ETFA: variants seen among roughly 807,000 people sequenced by gnomAD.
ETFA encodes the protein electron transfer flavoprotein subunit alpha, mitochondrial.
A neutral mutation model predicts 46.2 loss-of-function variants in ETFA; 22 were observed. The observed-to-expected ratio is 0.48, with a 90% confidence interval of 0.34 to 0.68. ETFA has a LOEUF of 0.68. Among genes scored for constraint, ETFA ranks in the 30% least tolerant of loss-of-function variants. The probability of loss-of-function intolerance (pLI) is 0.01; values close to 1 mark genes in which losing one functional copy is unlikely to be tolerated. For missense variants in ETFA, 345 were observed against 401.1 expected (o/e 0.86, Z 1.19); for synonymous variants, 131 against 139.9 (o/e 0.94, Z 0.45).
chr15:76,231,328 A>G lies in ETFA; in HGVS notation c.882+5T>C, dbSNP rs377259058. 1.0e-4 allele frequency: 159 copies of G among 1,576,734 alleles called. No individual in the cohort carries two copies. The highest frequency in any genetic ancestry group is 1.3e-4 in the Non-Finnish European group (149 of 1,146,126). On this transcript the variant is annotated splice_donor_5th_base_variant and intron_variant, in intron 10 of 11. Coordinates refer to ENST00000557943, the MANE Select transcript of ETFA (RefSeq NM_000126.4). The stretch of plus-strand genomic sequence containing the variant: ...TTTCTTTTAACATCACTGATGTACA[A>G]TTACCTTGCTGTCTTTCATCCCAGC...
intron 11 of ETFA, among the ~76,000 whole-genome samples, chr15:76,219,083 C>CA (rs954707005): frequency 4.6e-5 from 7 of 152,014 alleles, no homozygotes; most frequent in Non-Finnish European, 8.8e-5. Context: ...GGATTCTAGG[C>CA]AAAAAATGAG....
At chr15:76,248,647 T>G (rs1225335872) in intron 9 of ETFA, among the ~76,000 whole-genome samples, 3 of 152,088 alleles carry the variant, frequency 2.0e-5, no homozygotes, top group Non-Finnish European at 2.9e-5. Context: ...AAAAGATGTG[T>G]ATCCAGAATA....
intron 9 of ETFA, among the ~76,000 whole-genome samples, chr15:76,232,001 T>TAC (rs367863036): frequency 2.5e-3 from 380 of 149,518 alleles, no homozygotes; most frequent in South Asian, 6.2e-3. Flanking sequence ...CACGTACACA[T>TAC]ACACACACAC....
Position 76,281,102 on chromosome 15 carries a change from G to A in ETFA, c.733+2655C>T, listed in dbSNP as rs918340065. On this transcript the variant is annotated intron_variant, in intron 8 of 11. Transcript: ENST00000557943. ...TCTAATTTTTGTATTTTTAGTAGAG[G>A]TGGGGTTTCACCATGTCGGCCAGGC... Among the ~76,000 whole-genome samples the A allele has an allele frequency of 4.6e-5, 7 of 151,792 alleles. No homozygotes were observed. In the South Asian group the frequency reaches 1.5e-3, roughly 32 times the overall value.
chr15:76,222,326 ATTT>A (rs11475733), intron 11 of ETFA, among the ~76,000 whole-genome samples: 18 of 149,760 alleles, frequency 1.2e-4, no homozygotes, highest in African/African-American at 2.4e-4. Context: ...CAAATATTGT[ATTT>A]TTTATTTTTT....
chr15:76,263,493 A>T (rs1036955351), intron 9 of ETFA, among the ~76,000 whole-genome samples: 1 of 152,240 alleles, frequency 6.6e-6, no homozygotes, highest in Non-Finnish European at 1.5e-5. Flanking sequence ...GTTAAAGCAA[A>T]CATTTTGCTT....
intron 1 of ETFA, among the ~76,000 whole-genome samples, chr15:76,298,509 G>A (rs2456064): frequency 0.98 from 149,036 of 152,282 alleles, 73,008 homozygotes; most frequent in South Asian, 1. Flanking sequence ...GGAGCACTGT[G>A]CTAAGCAGTT....
intron 4 of ETFA, among the ~76,000 whole-genome samples, chr15:76,291,516 C>T (rs1237013446): frequency 6.7e-6 from 1 of 149,480 alleles, no homozygotes; most frequent in Non-Finnish European, 1.5e-5. Flanking sequence ...TTTGGGGGGC[C>T]GAGGCGGGCG....
At chr15:76,275,669 T>C (rs1339484457) in intron 8 of ETFA, among the ~76,000 whole-genome samples, 2 of 152,232 alleles carry the variant, frequency 1.3e-5, no homozygotes, top group Non-Finnish European at 2.9e-5. Context: ...GCCCTTGTTC[T>C]TTTTTCCTAT....
chr15:76,305,968 C>T (rs2039935874), intron 1 of ETFA, among the ~76,000 whole-genome samples: 1 of 151,886 alleles, frequency 6.6e-6, no homozygotes, highest in Non-Finnish European at 1.5e-5. Context: ...CTGCCTCAGC[C>T]ACATGAGTAG....
At chr15:76,302,558 G>T (rs1033278900) in intron 1 of ETFA, among the ~76,000 whole-genome samples, 1 of 148,808 alleles carries the variant, frequency 6.7e-6, no homozygotes, top group Non-Finnish European at 1.5e-5. Context: ...GAGTGGGGGC[G>T]GGGGCAGTGA....
chr15:76,294,676 A>G (rs1240211375), intron 2 of ETFA, among the ~76,000 whole-genome samples: 1 of 152,124 alleles, frequency 6.6e-6, no homozygotes, highest in African/African-American at 2.4e-5. Context: ...CAGCCTTCCA[A>G]GTAGCTGGGA....
rs947910169 is a variant in ETFA at position 76,275,524 on chromosome 15, T to C, written c.734-1030A>G. On this transcript the variant is annotated intron_variant, in intron 8 of 11. Transcript: ENST00000557943. Reference sequence around the variant, plus strand: ...AAGTGGGTTTCTTGTAGACACCATATAGTTGGGTCTTACTTTTTCATCCAC... The same window carrying C: ...AAGTGGGTTTCTTGTAGACACCATACAGTTGGGTCTTACTTTTTCATCCAC... 6.6e-5 allele frequency among the ~76,000 whole-genome samples: 10 copies of C among 152,346 alleles called. No homozygotes were observed. The East Asian group carries it at 7.7e-4, about 12-fold the overall frequency.
At chr15:76,298,720 G>A (rs1411834576) in intron 1 of ETFA, among the ~76,000 whole-genome samples, 3 of 151,916 alleles carry the variant, frequency 2.0e-5, no homozygotes, top group Non-Finnish European at 4.4e-5. Context: ...ACCATTTTTA[G>A]CTGTTTTATA....
At chr15:76,227,383 G>A (rs1229775179) in intron 10 of ETFA, among the ~76,000 whole-genome samples, 1 of 151,862 alleles carries the variant, frequency 6.6e-6, no homozygotes, top group Non-Finnish European at 1.5e-5. Flanking sequence ...CAGGTGTGGT[G>A]GTGCGCACCT....
chr15:76,259,277 A>G lies in ETFA; in HGVS notation c.816+15135T>C, dbSNP rs987862309. The G allele has an allele frequency of 3.8e-6, 6 of 1,572,958 alleles. No homozygotes were observed. The African/African-American group carries it at 8.1e-5, about 21-fold the overall frequency. On this transcript the variant is annotated intron_variant, in intron 9 of 11. Transcript: ENST00000557943. ...AGGGGTCCTGGCTGGCGGATAGCAC[A>G]GACAGCTGGCCCAGAATGTTCTCCA...
intron 9 of ETFA, among the ~76,000 whole-genome samples, chr15:76,231,899 T>C (rs2039070081): frequency 6.6e-6 from 1 of 152,206 alleles, no homozygotes; most frequent in Non-Finnish European, 1.5e-5. Flanking sequence ...CAAAAGGATA[T>C]TTGTTAAAAT....
intron 9 of ETFA, among the ~76,000 whole-genome samples, chr15:76,272,332 T>TCCTG (rs2039544565): frequency 6.6e-6 from 1 of 151,842 alleles, no homozygotes; most frequent in African/African-American, 2.4e-5. Flanking sequence ...ACAATTCTCC[T>TCCTG]GTTTCAACCC....
intron 1 of ETFA, among the ~76,000 whole-genome samples, 199 bp from the exon 2 acceptor site, chr15:76,295,936 C>CTT (rs1157687784): frequency 0.014 from 657 of 46,574 alleles, 183 homozygotes; most frequent in African/African-American, 0.015. Context: ...CACTAATATT[C>CTT]TTTTTTTTTT....
Sources: gnomAD v4.1 joint callset for allele counts (sites outside exome capture counted in the v4.1 genomes callset) on GRCh38, gnomAD v4.1.1 for gene constraint, MANE v1.5 for transcripts, NCBI Gene and HGNC (gene_info 2026-07-23, HGNC 2026-07-21) for gene names.